AR: variants seen among roughly 807,000 people sequenced by gnomAD.
AR encodes the protein androgen receptor, also known as dihydrotestosterone receptor.
AR carries 8 observed loss-of-function variants against 53.9 expected under a neutral mutation model. The ratio of observed to expected loss-of-function variants is 0.15; its 90% confidence interval spans 0.09 to 0.27. The LOEUF (loss-of-function observed/expected upper bound fraction) is 0.27. Among genes scored for constraint, AR ranks in the 10% least tolerant of loss-of-function variants. The probability of loss-of-function intolerance (pLI) is 1.00; values close to 1 mark genes in which losing one functional copy is unlikely to be tolerated. For missense variants in AR, 639 were observed against 742.5 expected, an observed-to-expected ratio of 0.86 and a Z score of 1.62; for synonymous variants, 359 against 316.4, an observed-to-expected ratio of 1.13 and a Z score of -1.43.
chrX:67,635,505 C>T (rs1370890672), intron 1 of AR, among the ~76,000 whole-genome samples: 4 of 110,467 alleles, frequency 3.6e-5, no homozygotes, highest in Non-Finnish European at 7.6e-5. Context: ...TCAAAGTATC[C>T]CCAAGTCCTC....
chrX:67,552,720 T>A (rs779047459), intron 1 of AR, among the ~76,000 whole-genome samples: 11 of 112,396 alleles, frequency 9.8e-5, no homozygotes, highest in Non-Finnish European at 1.7e-4. Context: ...TCTGTCTTTT[T>A]CATTATAGCT....
chrX:67,650,021 C>T (rs1174206017), intron 2 of AR, among the ~76,000 whole-genome samples: 17 of 111,718 alleles, frequency 1.5e-4, no homozygotes, highest in Non-Finnish European at 5.6e-5. Flanking sequence ...AGGACCTCTT[C>T]AAGGAGAACT....
intron 3 of AR, among the ~76,000 whole-genome samples, chrX:67,692,618 T>A (rs1194825234): frequency 8.9e-6 from 1 of 112,315 alleles, no homozygotes; most frequent in Non-Finnish European, 1.9e-5. Flanking sequence ...ACCAGACCTC[T>A]CTGAGCCTCA....
intron 1 of AR, among the ~76,000 whole-genome samples, chrX:67,560,971 G>A (rs916044325): frequency 1.8e-5 from 2 of 111,863 alleles, no homozygotes; most frequent in Admixed American, 9.5e-5. Flanking sequence ...TTGTGGAGAG[G>A]GGATCATATG....
chrX:67,723,675 G>A lies in AR; in HGVS notation c.2608-11G>A. The A allele has an allele frequency of 1.7e-6, 2 of 1,209,858 alleles. No individual in the cohort carries two copies. Among genetic ancestry groups the A allele is most frequent in the Non-Finnish European group, 2.2e-6 (2 of 894,672 alleles). On this transcript the variant is annotated splice_polypyrimidine_tract_variant and intron_variant, in intron 7 of 7. Transcript: ENST00000374690. ...CAACCCTGTTTTTCTCCCTCTTATT[G>A]TTCCCTACAGATTGCGAGAGAGCTG...
At position 67,629,989 on chromosome X, in the gene AR, G is replaced by T. The variant is rs201334790; in HGVS notation, c.1617-13267G>T. On this transcript the variant is annotated intron_variant, in intron 1 of 7. Coordinates refer to ENST00000374690, the MANE Select transcript of AR (RefSeq NM_000044.6). ...ATACTGAGTTCTAGTTTGATTGCAC[G>T]GTGGTCTGAGAGATAGTTTGTTATA... 2.7e-3 allele frequency among the ~76,000 whole-genome samples: 301 copies of T among 111,083 alleles called. 7 individuals are homozygous for T. The East Asian group carries it at 0.052, about 19-fold the overall frequency.
At position 67,545,686 on chromosome X, in the gene AR, C is replaced by G. The variant is rs1929694109; in HGVS notation, c.540C>G (p.Asp180Glu). The G allele has an allele frequency of 8.3e-7, 1 of 1,206,917 alleles. No homozygotes were observed. The highest frequency in any genetic ancestry group is 1.1e-6 in the Non-Finnish European group (1 of 893,030). The change falls in exon 1 of 8, where the codon GAC becomes GAG. Residue 180 changes from aspartate to glutamate, a missense_variant. Asp to Glu is a conservative substitution (Grantham distance 45, BLOSUM62 2). Around this residue, in one of 5 missense-constraint regions of AR, gnomAD observed 423 missense variants for 377.0 expected, o/e 1.12. Coordinates refer to ENST00000374690, the MANE Select transcript of AR (RefSeq NM_000044.6). ...CCGGCTTAAGCAGCTGCTCCGCTGACCTTAAAGACATCCTGAGCGAGGCCA... is the reference window on the plus strand; with the variant it reads ...CCGGCTTAAGCAGCTGCTCCGCTGAGCTTAAAGACATCCTGAGCGAGGCCA... ...TFPGLSSCSADLKDILSEAST... is the reference protein window; with the variant it reads ...TFPGLSSCSAELKDILSEAST...
At chrX:67,674,545 C>T (rs1007978553) in intron 2 of AR, among the ~76,000 whole-genome samples, 8 of 111,068 alleles carry the variant, frequency 7.2e-5, no homozygotes, top group African/African-American at 2.3e-4. Flanking sequence ...CTTCCTTGTC[C>T]TCAAGCAAAG....
chrX:67,613,307 G>A (rs1362741177), intron 1 of AR, among the ~76,000 whole-genome samples: 1 of 111,753 alleles, frequency 8.9e-6, no homozygotes, highest in East Asian at 2.8e-4. Context: ...TCTGTCCCAG[G>A]GAAAGGCAGG....
At chrX:67,701,309 T>A (rs933705933) in intron 3 of AR, among the ~76,000 whole-genome samples, 5 of 111,241 alleles carry the variant, frequency 4.5e-5, no homozygotes, top group African/African-American at 1.6e-4. Context: ...TCTAGAAGGA[T>A]CTCAGAGAGA....
intron 4 of AR, among the ~76,000 whole-genome samples, chrX:67,715,621 G>T (rs1602275077): frequency 8.9e-6 from 1 of 111,891 alleles, no homozygotes; most frequent in Non-Finnish European, 1.9e-5. Flanking sequence ...AAAAACACTG[G>T]AGAAGAGAAT....
intron 1 of AR, among the ~76,000 whole-genome samples, chrX:67,622,439 C>G (rs1454819795): frequency 1.8e-5 from 2 of 111,742 alleles, no homozygotes; most frequent in Non-Finnish European, 3.8e-5. Context: ...GAGAAAAGGA[C>G]AGATTTGTAT....
chrX:67,641,439 T>C (rs1925758339), intron 1 of AR, among the ~76,000 whole-genome samples: 1 of 112,286 alleles, frequency 8.9e-6, no homozygotes, highest in African/African-American at 3.2e-5. Context: ...GAAAATTTTC[T>C]ATTTCTTCTC....
At chrX:67,587,646 C>T (rs1281057250) in intron 1 of AR, among the ~76,000 whole-genome samples, 1 of 111,539 alleles carries the variant, frequency 9.0e-6, no homozygotes, top group East Asian at 2.8e-4. Flanking sequence ...TCTGGAAAGG[C>T]TACCTTTCCA....
intron 1 of AR, among the ~76,000 whole-genome samples, chrX:67,558,148 C>T (rs929682250): frequency 1.8e-5 from 2 of 111,712 alleles, no homozygotes; most frequent in Admixed American, 9.5e-5. Context: ...CTAGTCAGAG[C>T]CTGTTTTAAG....
chrX:67,720,830 G>A (rs1403403935), intron 5 of AR, among the ~76,000 whole-genome samples: 2 of 109,982 alleles, frequency 1.8e-5, no homozygotes, highest in South Asian at 4.0e-4. Flanking sequence ...TTAAGTGGGT[G>A]TCAAATTTCC....
In AR at chrX:67,730,178, AATAAGAAG is replaced by A. The variant is rs1294493798; in HGVS notation, c.*6339_*6346del. ...ATTTTCAATATTGAAGGAAAAAAGA[AATAAGAAG>A]AGAGAGAGAAAGAAAGCATCACACA... On this transcript the variant is annotated 3_prime_UTR_variant, in exon 8 of 8. Transcript: ENST00000374690. The A allele has an allele frequency of 8.6e-5, 7 of 80,964 alleles. No individual in the cohort carries two copies. Among genetic ancestry groups the A allele is most frequent in the Middle Eastern group, 3.0e-3 (1 of 337 alleles). The allele number at this position is 80,964 out of a possible 1,213,427, so 6.7% of individuals were successfully genotyped here.
chrX:67,705,033 G>A (rs966022377), intron 3 of AR, among the ~76,000 whole-genome samples: 4 of 111,900 alleles, frequency 3.6e-5, no homozygotes, highest in African/African-American at 6.5e-5. Context: ...GTATCATGCT[G>A]TTTTGGTTAC....
chrX:67,550,128 C>T (rs986963677), intron 1 of AR, among the ~76,000 whole-genome samples: 5 of 111,821 alleles, frequency 4.5e-5, no homozygotes, highest in East Asian at 2.8e-4. Context: ...GCACCCCATT[C>T]GGAAGTATAC....
Sources: gnomAD v4.1 joint callset for allele counts (sites outside exome capture counted in the v4.1 genomes callset) on GRCh38, gnomAD v4.1.1 for gene constraint, gnomAD v4.1.1 regional missense constraint, MANE v1.5 for transcripts, NCBI Gene and HGNC (gene_info 2026-07-23, HGNC 2026-07-21) for gene names.